Variants in HPGD observed in about 807,000 individuals in gnomAD.
The protein encoded by HPGD is 15-hydroxyprostaglandin dehydrogenase, also known as 15-hydroxyprostaglandin dehydrogenase [NAD(+)].
Under a neutral mutation model 30.0 loss-of-function variants are expected in HPGD, and 29 were observed. The observed-to-expected ratio is 0.97, with a 90% CI of 0.72 to 1.32. The LOEUF (loss-of-function observed/expected upper bound fraction) is 1.32. Ranked by LOEUF, HPGD falls within the 40% of genes most tolerant of loss-of-function variation. The pLI is 0.00. For missense variants in HPGD, 340 were observed against 322.1 expected (o/e 1.06, Z -0.43); for synonymous variants, 99 against 112.4 (o/e 0.88, Z 0.75).
At chr4:174,495,667 A>C (rs772254821) in intron 4 of HPGD, 43 bp from the exon 5 acceptor site, 4 of 1,324,794 alleles carry the variant, frequency 3.0e-6, no homozygotes, top group Non-Finnish European at 4.4e-6. Flanking sequence ...TGATGAAAAA[A>C]TAAGTAGACT....
chr4:174,495,270 G>T, intron 5 of HPGD: 1 of 427,846 alleles, frequency 2.3e-6, no homozygotes, highest in South Asian at 2.7e-5. Flanking sequence ...TTTCCATTTG[G>T]GGTCATTTTT....
In HPGD at chr4:174,492,379, C is replaced by G. The variant is rs910155806; in HGVS notation, c.663-285G>C. 6.6e-6 allele frequency among the ~76,000 whole-genome samples: 1 copy of G among 151,874 alleles called. No individual in the cohort carries two copies. Among genetic ancestry groups the G allele is most frequent in the African/African-American group, 2.4e-5 (1 of 41,422 alleles). Reference sequence around the variant, plus strand: ...ATCATTTTGGCAGGAGGAATTTATACTCATTATTTTCACTGAGCAAATGAT... The same window carrying G: ...ATCATTTTGGCAGGAGGAATTTATAGTCATTATTTTCACTGAGCAAATGAT... On this transcript the variant is annotated intron_variant, in intron 6 of 6. Transcript: ENST00000296522. The surrounding 1 kb of genome is among the most constrained non-coding windows in gnomAD (Gnocchi z 4.9).
At chr4:174,498,371 C>T (rs1482551272) in intron 4 of HPGD, among the ~76,000 whole-genome samples, 2 of 151,940 alleles carry the variant, frequency 1.3e-5, no homozygotes, top group Non-Finnish European at 2.9e-5. Flanking sequence ...AATAAAACTG[C>T]ACGTATTGAA....
At chr4:174,499,474 T>G (rs934983463) in intron 4 of HPGD, among the ~76,000 whole-genome samples, 2 of 152,164 alleles carry the variant, frequency 1.3e-5, no homozygotes, top group African/African-American at 4.8e-5. Flanking sequence ...TAATACTTAT[T>G]TTTTCTCCAG....
At chr4:174,514,692 AG>A (rs574071739) in intron 3 of HPGD, among the ~76,000 whole-genome samples, 65 of 152,290 alleles carry the variant, frequency 4.3e-4, no homozygotes, top group East Asian at 4.2e-3. Flanking sequence ...AAAGGAATAA[AG>A]GGCATCTAAA....
At chr4:174,519,164 A>C (rs954477160) in intron 2 of HPGD, among the ~76,000 whole-genome samples, 1 of 151,742 alleles carries the variant, frequency 6.6e-6, no homozygotes, top group African/African-American at 2.4e-5. Flanking sequence ...TACCTTTTAC[A>C]CTCACTGTAC....
intron 2 of HPGD, among the ~76,000 whole-genome samples, chr4:174,521,042 G>A (rs1042488072): frequency 1.3e-5 from 2 of 152,066 alleles, no homozygotes; most frequent in African/African-American, 4.8e-5. Context: ...TTTAAGAACA[G>A]GAGCACTGGA....
chr4:174,520,407 C>T (rs1736043502), intron 2 of HPGD, among the ~76,000 whole-genome samples: 1 of 152,156 alleles, frequency 6.6e-6, no homozygotes, highest in South Asian at 2.1e-4. Context: ...TTTATAATTT[C>T]CACACTGTCT....
At chr4:174,503,519 AAT>A (rs1051955180) in intron 4 of HPGD, among the ~76,000 whole-genome samples, 5 of 152,150 alleles carry the variant, frequency 3.3e-5, no homozygotes, top group African/African-American at 1.2e-4. Flanking sequence ...GCAATTGCTC[AAT>A]ATGTGTTAGG....
intron 3 of HPGD, among the ~76,000 whole-genome samples, chr4:174,509,670 G>A (rs1735377722): frequency 6.6e-6 from 1 of 152,108 alleles, no homozygotes; most frequent in Admixed American, 6.5e-5. Flanking sequence ...CACAACCCTG[G>A]GCCCGATGAT....
intron 2 of HPGD, among the ~76,000 whole-genome samples, chr4:174,521,237 A>C (rs1736092374): frequency 6.6e-6 from 1 of 152,122 alleles, no homozygotes; most frequent in East Asian, 1.9e-4. Context: ...AAAAAAAAAA[A>C]AACAGCTTTA....
At position 174,492,110 on chromosome 4, in the gene HPGD, A is replaced by G. The variant is rs191209129; in HGVS notation, c.663-16T>C. On this transcript the variant is annotated splice_polypyrimidine_tract_variant and intron_variant, in intron 6 of 6. Transcript: ENST00000296522. The surrounding 1 kb of genome is among the most constrained non-coding windows in gnomAD (Gnocchi z 4.9). ...CAATGGTGGGCTAAAAATAAAGAAAACAGTATTTTGAAACGAAAGAATGAG... is the reference window on the plus strand; with the variant it reads ...CAATGGTGGGCTAAAAATAAAGAAAGCAGTATTTTGAAACGAAAGAATGAG... 4.7e-3 allele frequency: 7,626 copies of G among 1,607,682 alleles called. 20 individuals are homozygous for G. The highest frequency in any genetic ancestry group is 5.8e-3 in the Non-Finnish European group (6,775 of 1,175,494).
intron 3 of HPGD, among the ~76,000 whole-genome samples, chr4:174,513,431 A>G (rs1272436137): frequency 6.6e-6 from 1 of 151,930 alleles, no homozygotes; most frequent in Non-Finnish European, 1.5e-5. Context: ...AGTCAGGGGT[A>G]TCCTCCAAAG....
At position 174,495,558 on chromosome 4, in the gene HPGD, C is replaced by A. The variant is rs763113043; in HGVS notation, c.488G>T (p.Arg163Leu). ...ASKHGIVGFT[R>L]SAALAANLMN... ...TTGTTGTAGCCTCACCGCTGCTGAGCGTGTGAATCCAACTATGCCATGCTT... is the reference window on the plus strand; with the variant it reads ...TTGTTGTAGCCTCACCGCTGCTGAGAGTGTGAATCCAACTATGCCATGCTT... The change falls in exon 5 of 7, where the codon CGC becomes CTC. Residue 163 changes from arginine (R) to leucine (L), a missense_variant. Physicochemically the swap from Arg to Leu is moderately radical, Grantham distance 102. Coordinates refer to ENST00000296522, the MANE Select transcript of HPGD (RefSeq NM_000860.6). 3.7e-6 allele frequency: 6 copies of A among 1,610,584 alleles called. No homozygotes were observed. The highest frequency in any genetic ancestry group is 1.1e-5 in the South Asian group (1 of 91,012).
intron 4 of HPGD, chr4:174,508,098 T>C: frequency 1.4e-6 from 1 of 702,184 alleles, no homozygotes; most frequent in Non-Finnish European, 2.6e-6. Context: ...ATCCAGCAGT[T>C]CTAAAGTAAC....
intron 3 of HPGD, among the ~76,000 whole-genome samples, chr4:174,512,581 A>C (rs1735564123): frequency 6.6e-6 from 1 of 152,214 alleles, no homozygotes. Flanking sequence ...TATAAACTAC[A>C]CACAAATATT....
chr4:174,512,967 T>C (rs1330909098), intron 3 of HPGD, among the ~76,000 whole-genome samples: 1 of 152,212 alleles, frequency 6.6e-6, no homozygotes, highest in Non-Finnish European at 1.5e-5. Context: ...AAAGCAAACA[T>C]GCCCTCTCAG....
chr4:174,494,570 T>A lies in HPGD; in HGVS notation c.498+978A>T, dbSNP rs752298598. Among the ~76,000 whole-genome samples the A allele has an allele frequency of 4.6e-5, 7 of 152,240 alleles. No individual in the cohort carries two copies. The highest frequency in any genetic ancestry group is 1.0e-4 in the Non-Finnish European group (7 of 68,042). On this transcript the variant is annotated intron_variant, in intron 5 of 6. Transcript: ENST00000296522. This position sits in a 1 kb window ranked among gnomAD's most constrained non-coding sequence, Gnocchi z 4.9. ...TTGCAAATTAAGCAATAATTTCCAA[T>A]CAATTTAAGAGTGTGAGAACTACTT... is the stretch of plus-strand genomic sequence containing the variant.
rs768075559 is a variant in HPGD, at chr4:174,491,989, A to G, written c.768T>C (p.Tyr256=). 3 of 1,612,016 alleles carry G rather than the reference A, an allele frequency of 1.9e-6. No homozygotes were observed. Among genetic ancestry groups the G allele is most frequent in the African/African-American group, 2.7e-5 (2 of 74,876 alleles). ...TTSKGIHFQD[Y]DTTPFQAKTQ ...TTTTTGCTTGAAATGGAGTTGTATC[A>G]TAGTCTTGAAAATGAATTCCCTTAG... The change falls in exon 7 of 7, where the codon TAT becomes TAC. Residue 256 remains tyrosine (Y), a synonymous_variant. Transcript: ENST00000296522.
Sources: gnomAD v4.1 joint callset for allele counts (sites outside exome capture counted in the v4.1 genomes callset) on GRCh38, gnomAD v4.1.1 for gene constraint, Gnocchi (gnomAD v3.1) non-coding constraint, MANE v1.5 for transcripts, NCBI Gene and HGNC (gene_info 2026-07-23, HGNC 2026-07-21) for gene names.